The following CD80 variants were observed in gnomAD, a reference collection of about 807,000 sequenced individuals.
CD80 encodes CD80 molecule.
A neutral mutation model predicts 27.1 loss-of-function variants in CD80; 13 were observed. The ratio of observed to expected loss-of-function variants is 0.48; its 90% CI spans 0.31 to 0.76. The LOEUF is 0.76. CD80 is among the 30% of genes least tolerant of loss of function. CD80 has a pLI of 0.04. For missense variants in CD80, 277 were observed against 347.9 expected, an observed-to-expected ratio of 0.80 and a Z score of 1.62; for synonymous variants, 125 against 125.5, an observed-to-expected ratio of 1.00 and a Z score of 0.03.
chr3:119,547,608 TAC>T (rs2082208699), intron 2 of CD80, among the ~76,000 whole-genome samples: 1 of 152,210 alleles, frequency 6.6e-6, no homozygotes, highest in Non-Finnish European at 1.5e-5. Context: ...CTTTCCTCAC[TAC>T]ACAGTTTGAT....
At position 119,533,152 on chromosome 3, in the gene CD80, A is replaced by C. The variant is rs115437165; in HGVS notation, c.701-3215T>G. ...TCAACCTAGAGAGAGTATGTGTGTGAGGGAAAGAGGGAGGCCTCAGTAGCA... is the reference window on the plus strand; with the variant it reads ...TCAACCTAGAGAGAGTATGTGTGTGCGGGAAAGAGGGAGGCCTCAGTAGCA... On this transcript the variant is annotated intron_variant, in intron 4 of 6. Transcript: ENST00000264246. Among the ~76,000 whole-genome samples, 1,317 of 152,304 alleles carry C rather than the reference A, an allele frequency of 8.6e-3. 26 individuals carry two copies. The highest frequency in any genetic ancestry group is 0.029 in the African/African-American group (1,225 of 41,562).
At chr3:119,544,290 G>A (rs1209905526) in intron 3 of CD80, 1 of 478,894 alleles carries the variant, frequency 2.1e-6, no homozygotes, top group Non-Finnish European at 3.8e-6. Flanking sequence ...TGATTGAGAG[G>A]CTCTTTAGGT....
Position 119,527,851 on chromosome 3 carries a change from A to T in CD80, c.797-10T>A. On this transcript the variant is annotated splice_polypyrimidine_tract_variant and intron_variant, in intron 5 of 6. Coordinates refer to ENST00000264246, the MANE Select transcript of CD80 (RefSeq NM_005191.4). ...CATCTTGGGGCAAAGCCTTGGAGAC[A>T]AGAACAAACAATAAAAATGATAAGT... is the stretch of plus-strand genomic sequence containing the variant. The T allele has an allele frequency of 6.2e-7, 1 of 1,608,618 alleles. No homozygotes were observed. Among genetic ancestry groups the T allele is most frequent in the Non-Finnish European group, 8.5e-7 (1 of 1,175,088 alleles).
At chr3:119,555,475 G>A (rs1437704783) in intron 2 of CD80, among the ~76,000 whole-genome samples, 2 of 152,196 alleles carry the variant, frequency 1.3e-5, no homozygotes, top group African/African-American at 2.4e-5. Flanking sequence ...GGTAGACCAC[G>A]CCACTCTCCT....
chr3:119,545,308 C>A (rs1243542336), intron 2 of CD80, among the ~76,000 whole-genome samples: 2 of 152,074 alleles, frequency 1.3e-5, no homozygotes, highest in Non-Finnish European at 1.5e-5. Context: ...TGCACCCCAG[C>A]CTGGGCAACA....
intron 6 of CD80, 21 bp downstream of exon 6, chr3:119,527,712 A>T: frequency 1.4e-6 from 2 of 1,408,812 alleles, no homozygotes; most frequent in Non-Finnish European, 2.0e-6. Context: ...CATGTATCCC[A>T]GAAGAGATGA....
At position 119,546,815 on chromosome 3, in the gene CD80, A is replaced by AACACACACACACACACAC. The variant is rs10661634; in HGVS notation, c.101-1966_101-1949dup. ...TCTCCCCACAATCACGTGATGCAAC[A>AACACACACACACACACAC]ACACACACACACACACACACACACA... is the stretch of plus-strand genomic sequence containing the variant. On this transcript the variant is annotated intron_variant, in intron 2 of 6. Coordinates refer to ENST00000264246, the MANE Select transcript of CD80 (RefSeq NM_005191.4). Among the ~76,000 whole-genome samples the AACACACACACACACACAC allele has an allele frequency of 3.5e-3, 518 of 149,360 alleles. 4 individuals are homozygous for AACACACACACACACACAC. Among genetic ancestry groups the AACACACACACACACACAC allele is most frequent in the Non-Finnish European group, 3.5e-3 (237 of 67,270 alleles).
chr3:119,541,508 C>G (rs1274030427), intron 3 of CD80, among the ~76,000 whole-genome samples: 1 of 152,186 alleles, frequency 6.6e-6, no homozygotes, highest in Non-Finnish European at 1.5e-5. Context: ...CCCTTTGGTT[C>G]TGAGCAAAGA....
In CD80 at chr3:119,557,353, C is replaced by T. The variant is rs559797257; in HGVS notation, c.100+276G>A. ...ATTCATGGAAGAGACCATTATGAAT[C>T]GGCTGTATGGTTTTGTTAAAATAAC... On this transcript the variant is annotated intron_variant, in intron 2 of 6. Transcript: ENST00000264246. 1.4e-4 allele frequency among the ~76,000 whole-genome samples: 22 copies of T among 152,268 alleles called. No homozygotes were observed. In the East Asian group the frequency reaches 2.3e-3, roughly 16 times the overall value.
chr3:119,547,993 T>C (rs945157965), intron 2 of CD80, among the ~76,000 whole-genome samples: 3 of 151,988 alleles, frequency 2.0e-5, no homozygotes, highest in African/African-American at 4.8e-5. Flanking sequence ...TTTTTCTTTT[T>C]TTTTTTGAGA....
At chr3:119,545,891 C>G (rs982108735) in intron 2 of CD80, among the ~76,000 whole-genome samples, 2 of 152,102 alleles carry the variant, frequency 1.3e-5, no homozygotes, top group African/African-American at 4.8e-5. Context: ...ATTTTGGGGT[C>G]ATATGGTAGT....
In CD80 at chr3:119,541,181, G is replaced by A. The variant is rs903030614; in HGVS notation, c.418+3369C>T. Among the ~76,000 whole-genome samples the A allele has an allele frequency of 5.3e-5, 8 of 152,118 alleles. No individual in the cohort carries two copies. The South Asian group carries it at 1.2e-3, about 24-fold the overall frequency. ...TGTGAGATTGTGAACAATCAAAGACGTTGTAAGACTGTAACCTTTGTATCT... is the reference window on the plus strand; with the variant it reads ...TGTGAGATTGTGAACAATCAAAGACATTGTAAGACTGTAACCTTTGTATCT... On this transcript the variant is annotated intron_variant, in intron 3 of 6. Coordinates refer to ENST00000264246, the MANE Select transcript of CD80 (RefSeq NM_005191.4).
rs1404770134 is a variant in CD80 at position 119,529,887 on chromosome 3, A to G, written c.751T>C (p.Leu251=). 1 of 1,613,876 alleles carries G rather than the reference A, an allele frequency of 6.2e-7. No homozygotes were observed. The highest frequency in any genetic ancestry group is 2.2e-5 in the East Asian group (1 of 44,872). Residue 251 remains leucine, a synonymous_variant, in exon 5 of 7, where the codon TTA becomes CTA. Coordinates refer to ENST00000264246, the MANE Select transcript of CD80 (RefSeq NM_005191.4). ...ACAAAAATTCCATTTACTGAGATTA[A>G]GGTAATGGCCCAGGATGGGAGCAGG... ...DNLLPSWAIT[L]ISVNGIFVIC... is the part of the protein sequence containing the mutation.
intron 2 of CD80, among the ~76,000 whole-genome samples, chr3:119,549,235 C>A (rs1168293459): frequency 6.6e-6 from 1 of 152,110 alleles, no homozygotes; most frequent in Non-Finnish European, 1.5e-5. Flanking sequence ...CAATTACCCT[C>A]CAGCCTGGAT....
At chr3:119,546,244 T>C (rs1405789256) in intron 2 of CD80, among the ~76,000 whole-genome samples, 1 of 151,978 alleles carries the variant, frequency 6.6e-6, no homozygotes. Flanking sequence ...CAGTCCTGAC[T>C]AAGGTTCTGG....
rs71293250 is a variant in CD80 at position 119,534,393 on chromosome 3, G to GA, written c.700+2743dup. On this transcript the variant is annotated intron_variant, in intron 4 of 6. Transcript: ENST00000264246. ...GTCTCAAAAAAAAAAAAAAGAAAAA[G>GA]AAAAAAAAAAGAAAAATTTTGTTGG... 8.6e-3 allele frequency among the ~76,000 whole-genome samples: 1,240 copies of GA among 143,388 alleles called. 15 individuals carry two copies. Among genetic ancestry groups the GA allele is most frequent in the African/African-American group, 0.03 (1,158 of 39,022 alleles). 94.1% of individuals were successfully genotyped at this position (143,388 alleles called of 152,430 possible).
intron 3 of CD80, among the ~76,000 whole-genome samples, chr3:119,543,014 GAC>G (rs1394883472): frequency 6.6e-6 from 1 of 152,014 alleles, no homozygotes; most frequent in African/African-American, 2.4e-5. Context: ...AGTGCAAGAA[GAC>G]AGCTTCAACT....
At chr3:119,531,508 T>G (rs1235173000) in intron 4 of CD80, among the ~76,000 whole-genome samples, 1 of 152,188 alleles carries the variant, frequency 6.6e-6, no homozygotes, top group Non-Finnish European at 1.5e-5. Context: ...TGTTGTGCTA[T>G]CTAAATTTTT....
At chr3:119,533,791 G>A (rs1168874852) in intron 4 of CD80, among the ~76,000 whole-genome samples, 2 of 152,134 alleles carry the variant, frequency 1.3e-5, no homozygotes, top group African/African-American at 4.8e-5. Context: ...TTTATCAGCA[G>A]CATGAAAAGG....
Sources: allele counts gnomAD v4.1 joint callset (sites outside exome capture counted in the v4.1 genomes callset), GRCh38; gene constraint gnomAD v4.1.1; transcripts MANE v1.5; gene names NCBI Gene and HGNC (gene_info 2026-07-23, HGNC 2026-07-21).